The following SPTBN1 variants were observed in gnomAD, a reference collection of about 807,000 sequenced individuals.
SPTBN1 encodes spectrin beta chain, non-erythrocytic 1.
In SPTBN1, 32 loss-of-function variants were observed where a neutral mutation model predicts 266.4. The ratio of observed to expected loss-of-function variants is 0.12; its 90% CI spans 0.09 to 0.16. The LOEUF (loss-of-function observed/expected upper bound fraction) is 0.16, where lower values mean the gene tolerates loss of function less well. SPTBN1 is among the 10% of genes least tolerant of loss of function. The probability of loss-of-function intolerance (pLI) is 1.00; values close to 1 mark genes in which losing one functional copy is unlikely to be tolerated. For missense variants in SPTBN1, 2,296 were observed against 3,067.1 expected (o/e 0.75, Z 5.94); for synonymous variants, 1,336 against 1,162.2 (o/e 1.15, Z -3.04).
chr2:54,492,500 T>A (rs1668746118), intron 1 of SPTBN1, among the ~76,000 whole-genome samples: 1 of 152,184 alleles, frequency 6.6e-6, no homozygotes, highest in South Asian at 2.1e-4. Context: ...AAAGGCTGTG[T>A]CATTCCTGTG....
At chr2:54,506,401 T>G (rs1669555913) in intron 1 of SPTBN1, among the ~76,000 whole-genome samples, 1 of 151,944 alleles carries the variant, frequency 6.6e-6, no homozygotes, top group Admixed American at 6.5e-5. Flanking sequence ...AAAATTCTCA[T>G]GTAAATATAA....
At chr2:54,490,175 G>A (rs1668612044) in intron 1 of SPTBN1, among the ~76,000 whole-genome samples, 1 of 151,458 alleles carries the variant, frequency 6.6e-6, no homozygotes, top group African/African-American at 2.4e-5. Context: ...AGGTTCAAGC[G>A]ATTCTCTTCT....
At chr2:54,601,427 G>A (rs1164206370) in intron 3 of SPTBN1, among the ~76,000 whole-genome samples, 2 of 152,194 alleles carry the variant, frequency 1.3e-5, no homozygotes, top group African/African-American at 2.4e-5. Context: ...GCCTTTGGCC[G>A]TGGAGGTTGC....
At chr2:54,555,999 G>A (rs1034082833) in intron 2 of SPTBN1, among the ~76,000 whole-genome samples, 8 of 152,192 alleles carry the variant, frequency 5.3e-5, no homozygotes, top group African/African-American at 9.7e-5. Context: ...TTGCACATTT[G>A]TCCCATTTCC....
intron 1 of SPTBN1, among the ~76,000 whole-genome samples, chr2:54,470,918 T>C (rs1693886848): frequency 1.3e-5 from 2 of 152,226 alleles, no homozygotes; most frequent in Non-Finnish European, 2.9e-5. Context: ...CCAGCACAAA[T>C]TTGTAAACTT....
chr2:54,558,915 G>C lies in SPTBN1; in HGVS notation c.148+32349G>C. On this transcript the variant is annotated intron_variant, in intron 2 of 35. Coordinates refer to ENST00000356805, the MANE Select transcript of SPTBN1 (RefSeq NM_003128.3). The surrounding 1 kb of genome is among the most constrained non-coding windows in gnomAD (Gnocchi z 4.6). ...AAGCCCCCTCCCAAAGGCCGGGCCT[G>C]TCCTGGGTGCCAACGGGGGTTCTTG... is the stretch of plus-strand genomic sequence containing the variant. 6.2e-7 allele frequency: 1 copy of C among 1,603,386 alleles called. No individual in the cohort carries two copies. The highest frequency in any genetic ancestry group is 8.5e-7 in the Non-Finnish European group (1 of 1,174,932).
chr2:54,646,029 T>C lies in SPTBN1; in HGVS notation c.4584+12T>C. 1.2e-6 allele frequency: 2 copies of C among 1,614,260 alleles called. No homozygotes were observed. The highest frequency in any genetic ancestry group is 1.7e-6 in the Non-Finnish European group (2 of 1,180,044). ...TAAAGAAAAATCAGGTAAGCCTTTC[T>C]GCTCGAGCTAGTTCTGTCTGATAAA... On this transcript the variant is annotated intron_variant, in intron 22 of 35. Transcript: ENST00000356805. The surrounding 1 kb of genome is among the most constrained non-coding windows in gnomAD (Gnocchi z 4.4).
In SPTBN1 at chr2:54,628,315, G is replaced by A. The variant is rs1678489094; in HGVS notation, c.1798+65G>A. The stretch of plus-strand genomic sequence containing the variant: ...AGAGATTCATATTTATAGAAACACA[G>A]TGGGGCTTTTGAAGTTACTGTGCCA... On this transcript the variant is annotated intron_variant, in intron 13 of 35. Transcript: ENST00000356805. This position sits in a 1 kb window ranked among gnomAD's most constrained non-coding sequence, Gnocchi z 4.3. The A allele has an allele frequency of 6.6e-7, 1 of 1,508,066 alleles. No individual in the cohort carries two copies. 93.4% of individuals were successfully genotyped at this position (1,508,066 alleles called of 1,614,324 possible). A position where few individuals can be genotyped will look rare whatever the true frequency, so the allele number is the denominator to read the frequency against.
chr2:54,547,679 T>G (rs983049272), intron 2 of SPTBN1, among the ~76,000 whole-genome samples: 6 of 152,176 alleles, frequency 3.9e-5, no homozygotes, highest in Admixed American at 1.3e-4. Context: ...TGGTCTCAAA[T>G]TGTGTTTTTC....
intron 1 of SPTBN1, among the ~76,000 whole-genome samples, chr2:54,495,818 GT>G (rs970844470): frequency 3.3e-5 from 5 of 151,734 alleles, no homozygotes; most frequent in African/African-American, 1.2e-4. Flanking sequence ...GATTTTTTTG[GT>G]TGTATAATTT....
chr2:54,622,020 G>C (rs1678022359), intron 8 of SPTBN1, among the ~76,000 whole-genome samples: 1 of 152,196 alleles, frequency 6.6e-6, no homozygotes, highest in East Asian at 1.9e-4. Context: ...TTAGGCTACA[G>C]AAATCATTCA....
At chr2:54,665,277 G>A (rs1681295966) in intron 33 of SPTBN1, among the ~76,000 whole-genome samples, 1 of 152,210 alleles carries the variant, frequency 6.6e-6, no homozygotes, top group South Asian at 2.1e-4. Context: ...TGCTGTGTGA[G>A]GGGATCAGAA....
At chr2:54,457,834 G>A (rs1313038473) in intron 1 of SPTBN1, among the ~76,000 whole-genome samples, 1 of 152,338 alleles carries the variant, frequency 6.6e-6, no homozygotes, top group Admixed American at 6.5e-5. Flanking sequence ...TTTCTTTTGG[G>A]ATGATCCCTC....
At chr2:54,476,404 G>C (rs1182693789) in intron 1 of SPTBN1, among the ~76,000 whole-genome samples, 3 of 152,198 alleles carry the variant, frequency 2.0e-5, no homozygotes, top group African/African-American at 7.2e-5. Flanking sequence ...TTTCCCATCA[G>C]CTTCTTTGAA....
intron 3 of SPTBN1, among the ~76,000 whole-genome samples, chr2:54,599,721 G>A (rs752110082): frequency 1.3e-5 from 2 of 152,222 alleles, no homozygotes. Context: ...TTTTGGGAGT[G>A]GAGGGAGAAG....
intron 2 of SPTBN1, among the ~76,000 whole-genome samples, chr2:54,583,146 G>T (rs1349693741): frequency 1.3e-5 from 2 of 151,934 alleles, no homozygotes; most frequent in Admixed American, 1.3e-4. Flanking sequence ...CCGCTGCTTG[G>T]TGATGTCCCC....
intron 1 of SPTBN1, among the ~76,000 whole-genome samples, chr2:54,484,759 C>T (rs988213508): frequency 1.5e-5 from 1 of 66,932 alleles, no homozygotes; most frequent in Non-Finnish European, 2.5e-5. Flanking sequence ...CTGTACCCGG[C>T]GTGGGGTGGT....
chr2:54,625,625 T>G, intron 11 of SPTBN1, among the ~76,000 whole-genome samples: 1 of 152,180 alleles, frequency 6.6e-6, no homozygotes, highest in Non-Finnish European at 1.5e-5. Context: ...AGTTTCACTC[T>G]TGTCATTCAG....
rs758944908 is a variant in SPTBN1, at chr2:54,659,239, C to T, written c.6329C>T (p.Ser2110Leu). Residue 2110 changes from serine to leucine, a missense_variant, in exon 31 of 36, where the codon TCA (serine) becomes TTA (leucine). Coordinates refer to ENST00000356805, the MANE Select transcript of SPTBN1 (RefSeq NM_003128.3). ...TCTCCCGAGCCGAGCACGAAGGTTT[C>T]AGAGGAAGCCGAGTCCCAGCAGCAG... is the stretch of plus-strand genomic sequence containing the variant. ...PPSPEPSTKV[S>L]EEAESQQQWD... 9.9e-6 allele frequency: 16 copies of T among 1,613,962 alleles called. No homozygotes were observed. Among genetic ancestry groups the T allele is most frequent in the Non-Finnish European group, 1.1e-5 (13 of 1,180,018 alleles).
Sources: gnomAD v4.1 joint callset for allele counts (sites outside exome capture counted in the v4.1 genomes callset) on GRCh38, gnomAD v4.1.1 for gene constraint, Gnocchi (gnomAD v3.1) non-coding constraint, MANE v1.5 for transcripts, NCBI Gene and HGNC (gene_info 2026-07-23, HGNC 2026-07-21) for gene names.